Variants in EIF3H observed in about 807,000 individuals in gnomAD.
EIF3H encodes the protein eIF-3-gamma.
Under a neutral mutation model 44.2 loss-of-function variants are expected in EIF3H, and 26 were observed. That is an observed-to-expected ratio of 0.59 (90% CI 0.43 to 0.82). The LOEUF is 0.82. Among genes scored for constraint, EIF3H ranks in the 40% least tolerant of loss-of-function variants. The pLI is 0.00. For missense variants in EIF3H, 359 were observed against 432.8 expected, an observed-to-expected ratio of 0.83 and a Z score of 1.51; for synonymous variants, 166 against 151.9, an observed-to-expected ratio of 1.09 and a Z score of -0.68.
chr8:116,649,024 G>T, intron 5 of EIF3H, 98 bp from the exon 6 acceptor site: 1 of 1,109,632 alleles, frequency 9.0e-7, no homozygotes, highest in Non-Finnish European at 1.2e-6. Context: ...ACTGGCTTTT[G>T]CTAAAAGAAT....
chr8:116,708,290 T>C (rs958074034), intron 2 of EIF3H, among the ~76,000 whole-genome samples: 1 of 151,980 alleles, frequency 6.6e-6, no homozygotes, highest in African/African-American at 2.4e-5. Flanking sequence ...ATTTTCAAAA[T>C]GTCACCTCAT....
chr8:116,734,346 C>G, intron 1 of EIF3H: 1 of 455,976 alleles, frequency 2.2e-6, no homozygotes, highest in Non-Finnish European at 4.4e-6. Context: ...GCCATCAGCC[C>G]TATGAAAACT....
chr8:116,747,577 A>T (rs896213226), intron 1 of EIF3H, among the ~76,000 whole-genome samples: 90 of 152,202 alleles, frequency 5.9e-4, no homozygotes, highest in African/African-American at 2.1e-3. Context: ...GCACCACTCA[A>T]GTCAGAAAAC....
At chr8:116,752,843 AAAG>A (rs1342922395) in intron 1 of EIF3H, among the ~76,000 whole-genome samples, 1 of 137,402 alleles carries the variant, frequency 7.3e-6, no homozygotes, top group Non-Finnish European at 1.5e-5. Flanking sequence ...GAGAGAGAGA[AAAG>A]AAAAGAAAAA....
intron 2 of EIF3H, among the ~76,000 whole-genome samples, chr8:116,705,275 T>C (rs1311518476): frequency 2.0e-5 from 3 of 152,330 alleles, no homozygotes; most frequent in East Asian, 3.9e-4. Context: ...TATGAAAATA[T>C]TAGCAAGAAT....
At chr8:116,738,263 A>T (rs1434815188) in intron 1 of EIF3H, among the ~76,000 whole-genome samples, 1 of 152,198 alleles carries the variant, frequency 6.6e-6, no homozygotes, top group Non-Finnish European at 1.5e-5. Context: ...TACTGAGTTG[A>T]CAATGATGGA....
chr8:116,763,072 C>G (rs1408600866), intron 1 of EIF3H, among the ~76,000 whole-genome samples: 1 of 152,188 alleles, frequency 6.6e-6, no homozygotes, highest in South Asian at 2.1e-4. Flanking sequence ...AATTCATAGT[C>G]TGTGTCATAT....
chr8:116,750,527 A>G (rs1292478877), intron 1 of EIF3H, among the ~76,000 whole-genome samples: 1 of 149,830 alleles, frequency 6.7e-6, no homozygotes, highest in Non-Finnish European at 1.5e-5. Context: ...CCCCTGCCTC[A>G]GCCTCCTGAG....
chr8:116,743,799 A>ATATATATATATATATATATAT (rs1563659950), intron 1 of EIF3H, among the ~76,000 whole-genome samples: 9 of 87,062 alleles, frequency 1.0e-4, no homozygotes, highest in Non-Finnish European at 2.1e-4. Context: ...TATATATATA[A>ATATATATATATATATATATAT]ACACACACAC....
intron 2 of EIF3H, among the ~76,000 whole-genome samples, chr8:116,668,974 G>C (rs7833618): frequency 6.6e-6 from 1 of 152,018 alleles, no homozygotes; most frequent in African/African-American, 2.4e-5. Flanking sequence ...GGAGTGTTAC[G>C]CAAGCTCCCC....
chr8:116,707,605 G>A (rs1172357296), intron 2 of EIF3H, among the ~76,000 whole-genome samples: 5 of 152,038 alleles, frequency 3.3e-5, no homozygotes, highest in African/African-American at 1.2e-4. Context: ...AAACATGAGT[G>A]TACTCTTTTA....
At chr8:116,704,642 C>T (rs1043351905) in intron 2 of EIF3H, among the ~76,000 whole-genome samples, 3 of 152,158 alleles carry the variant, frequency 2.0e-5, no homozygotes, top group African/African-American at 7.2e-5. Context: ...AAGATATCCT[C>T]GGCGTCAATA....
intron 2 of EIF3H, among the ~76,000 whole-genome samples, chr8:116,718,489 T>C (rs1017053734): frequency 3.3e-5 from 5 of 151,562 alleles, no homozygotes; most frequent in African/African-American, 1.2e-4. Flanking sequence ...AATCAATCAG[T>C]GGATAAAGAA....
chr8:116,733,353 C>T (rs1814982442), intron 1 of EIF3H, among the ~76,000 whole-genome samples: 1 of 152,248 alleles, frequency 6.6e-6, no homozygotes, highest in Middle Eastern at 3.4e-3. Context: ...GCCCACCTAC[C>T]CTCTTTCCCA....
intron 1 of EIF3H, among the ~76,000 whole-genome samples, chr8:116,732,561 CATA>C (rs1250925780): frequency 2.0e-5 from 3 of 152,156 alleles, no homozygotes; most frequent in African/African-American, 7.2e-5. Flanking sequence ...TCCTATCAAA[CATA>C]ATGTCTGCAT....
chr8:116,667,434 T>C (rs1813688432), intron 2 of EIF3H, among the ~76,000 whole-genome samples: 1 of 124,462 alleles, frequency 8.0e-6, no homozygotes, highest in Non-Finnish European at 1.7e-5. Context: ...AGTACTTTTC[T>C]AAACACAGAA....
chr8:116,700,665 A>G, intron 2 of EIF3H, among the ~76,000 whole-genome samples: 1 of 152,242 alleles, frequency 6.6e-6, no homozygotes, highest in Non-Finnish European at 1.5e-5. Context: ...AAGAAAAGAA[A>G]AAGATTTATA....
chr8:116,759,740 C>T (rs1038003305), upstream of EIF3H, among the ~76,000 whole-genome samples: 10 of 152,050 alleles, frequency 6.6e-5, no homozygotes, highest in East Asian at 3.9e-4. Context: ...CGCGCACACA[C>T]GCACATGCTT....
chr8:116,666,544 AAC>A (rs1293428177), intron 2 of EIF3H, among the ~76,000 whole-genome samples: 4 of 152,212 alleles, frequency 2.6e-5, no homozygotes, highest in African/African-American at 7.2e-5. Flanking sequence ...TGGTCATGAA[AAC>A]ACATACACAT....
Sources: gnomAD v4.1 joint callset for allele counts (sites outside exome capture counted in the v4.1 genomes callset) on GRCh38, gnomAD v4.1.1 for gene constraint, MANE v1.5 for transcripts, NCBI Gene and HGNC (gene_info 2026-07-23, HGNC 2026-07-21) for gene names.